Variants in ZNF292 observed in about 807,000 individuals in gnomAD.
ZNF292 encodes the protein zinc finger protein 292.
A neutral mutation model predicts 217.9 loss-of-function variants in ZNF292; 26 were observed. The ratio of observed to expected loss-of-function variants is 0.12; its 90% CI spans 0.09 to 0.17. The LOEUF (loss-of-function observed/expected upper bound fraction) is 0.17. ZNF292 is among the 10% of genes least tolerant of loss of function. The pLI is 1.00. For missense variants in ZNF292, 2,904 were observed against 3,175.2 expected (o/e 0.91, Z 2.05); for synonymous variants, 1,257 against 1,124.1 (o/e 1.12, Z -2.37).
Position 87,259,713 on chromosome 6 carries a change from G to A in ZNF292, c.6084G>A (p.Glu2028=). 1 of 1,602,384 alleles carries A rather than the reference G, an allele frequency of 6.2e-7. No homozygotes were observed. The highest frequency in any genetic ancestry group is 8.5e-7 in the Non-Finnish European group (1 of 1,174,202). ...AGCCTGCTTTAGAATTGAGAGCAGA[G>A]ACCCAAAATACCCACAGTAATGTAG... is the stretch of plus-strand genomic sequence containing the variant. ...ESQPALELRA[E]TQNTHSNVAV... The change falls in exon 8 of 8, where the codon GAG becomes GAA. Residue 2028 remains glutamate, a synonymous_variant. Coordinates refer to ENST00000369577, the MANE Select transcript of ZNF292 (RefSeq NM_015021.3).
chr6:87,166,578 C>T (rs971108106), intron 1 of ZNF292, among the ~76,000 whole-genome samples: 4 of 152,154 alleles, frequency 2.6e-5, no homozygotes, highest in African/African-American at 9.7e-5. Flanking sequence ...AGCATGATCA[C>T]GTATTTTCCA....
chr6:87,185,905 T>C (rs1289023416), intron 1 of ZNF292, among the ~76,000 whole-genome samples: 1 of 152,200 alleles, frequency 6.6e-6, no homozygotes, highest in Non-Finnish European at 1.5e-5. Context: ...TTCCACGCCC[T>C]GCCTGGGTAC....
At chr6:87,174,686 T>C (rs1408395427) in intron 1 of ZNF292, among the ~76,000 whole-genome samples, 1 of 152,210 alleles carries the variant, frequency 6.6e-6, no homozygotes, top group African/African-American at 2.4e-5. Context: ...TTTAAAGACT[T>C]ACGCTGCTTA....
rs1399305715 is a variant in ZNF292 at position 87,255,674 on chromosome 6, A to G, written c.2045A>G (p.Asn682Ser). 1 of 1,613,420 alleles carries G rather than the reference A, an allele frequency of 6.2e-7. No individual in the cohort carries two copies. Among genetic ancestry groups the G allele is most frequent in the Admixed American group, 1.7e-5 (1 of 59,882 alleles). Reference protein sequence around the residue: ...VQKPVPVNEFNCPVTFCKKGF... With the variant: ...VQKPVPVNEFSCPVTFCKKGF... ...AAACCAGTACCTGTTAATGAATTTA[A>G]TTGCCCTGTAACTTTTTGTAAAAAG... The change falls in exon 8 of 8, where the codon AAT (asparagine) becomes AGT (serine). Residue 682 changes from asparagine (N) to serine (S), a missense_variant. By Grantham distance (46) the Asn-to-Ser change is conservative. Coordinates refer to ENST00000369577, the MANE Select transcript of ZNF292 (RefSeq NM_015021.3).
At chr6:87,177,776 GT>G (rs1187573976) in intron 1 of ZNF292, among the ~76,000 whole-genome samples, 1 of 152,126 alleles carries the variant, frequency 6.6e-6, no homozygotes, top group Non-Finnish European at 1.5e-5. Context: ...TACTTCATAG[GT>G]TTGTAAGGAT....
Position 87,263,573 on chromosome 6 carries a change from T to C in ZNF292, c.*1772T>C, listed in dbSNP as rs2127881827. 1 of 152,142 alleles carries C rather than the reference T, an allele frequency of 6.6e-6. No individual in the cohort carries two copies. The highest frequency in any genetic ancestry group is 2.1e-4 in the South Asian group (1 of 4,822). 9.4% of individuals were successfully genotyped at this position (152,142 alleles called of 1,614,324 possible). ...CTTTTGGGTTTTATTGAATAGTTCA[T>C]TTCACCTGTTTAAGACTTACTACCA... On this transcript the variant is annotated 3_prime_UTR_variant, in exon 8 of 8. Coordinates refer to ENST00000369577, the MANE Select transcript of ZNF292 (RefSeq NM_015021.3).
Position 87,216,360 on chromosome 6 carries a change from T to G in ZNF292, c.385T>G (p.Phe129Val). 2 of 1,582,546 alleles carry G rather than the reference T, an allele frequency of 1.3e-6. No individual in the cohort carries two copies. The change falls in exon 3 of 8, where the codon TTT (phenylalanine) becomes GTT (valine). Residue 129 changes from phenylalanine to valine, a missense_variant. Phe to Val is a conservative substitution (Grantham distance 50, BLOSUM62 -1). Transcript: ENST00000369577. ...GTTATCAGATAAACAGTGGGAACAATTTCAGACACTGGTGCAGGTGAGAAT... is the reference window on the plus strand; with the variant it reads ...GTTATCAGATAAACAGTGGGAACAAGTTCAGACACTGGTGCAGGTGAGAAT... ...VELSDKQWEQ[F>V]QTLVQVAHEK...
At chr6:87,233,847 T>G (rs1773771026) in intron 5 of ZNF292, among the ~76,000 whole-genome samples, 1 of 152,224 alleles carries the variant, frequency 6.6e-6, no homozygotes, top group East Asian at 1.9e-4. Context: ...CAATCTTGTC[T>G]GACTTCAAGA....
chr6:87,227,397 A>G (rs963398133), intron 4 of ZNF292, among the ~76,000 whole-genome samples: 2 of 152,116 alleles, frequency 1.3e-5, no homozygotes, highest in Non-Finnish European at 2.9e-5. Context: ...TTTTTGACCA[A>G]CAATGCTGAA....
intron 1 of ZNF292, among the ~76,000 whole-genome samples, chr6:87,159,008 C>T (rs1770633688): frequency 6.6e-6 from 1 of 152,150 alleles, no homozygotes; most frequent in Admixed American, 6.5e-5. Context: ...CTTAGTTTTG[C>T]ATTTACTTTA....
chr6:87,228,911 A>C (rs1219865939), intron 4 of ZNF292, among the ~76,000 whole-genome samples: 1 of 151,968 alleles, frequency 6.6e-6, no homozygotes, highest in East Asian at 1.9e-4. Context: ...TAAAGATTCT[A>C]TATGAATTTT....
rs1206025830 is a variant in ZNF292, at chr6:87,257,966, C to T, written c.4337C>T (p.Ala1446Val). 6.2e-7 allele frequency: 1 copy of T among 1,613,946 alleles called. No homozygotes were observed. The highest frequency in any genetic ancestry group is 8.5e-7 in the Non-Finnish European group (1 of 1,179,836). The change falls in exon 8 of 8, where the codon GCA becomes GTA. Residue 1446 changes from alanine to valine, a missense_variant. Physicochemically the swap from Ala to Val is moderately conservative, Grantham distance 64. Around this residue, in one of 15 missense-constraint regions of ZNF292, gnomAD observed 622 missense variants for 573.1 expected, o/e 1.09. Coordinates refer to ENST00000369577, the MANE Select transcript of ZNF292 (RefSeq NM_015021.3). Reference sequence around the variant, plus strand: ...CAACAATCTACCTTCAATCCAGAAGCATGTTTTAAAGATCCATCATTTCTA... The same window carrying T: ...CAACAATCTACCTTCAATCCAGAAGTATGTTTTAAAGATCCATCATTTCTA... ...QPQQSTFNPE[A>V]CFKDPSFLQL...
intron 1 of ZNF292, 75 bp downstream of exon 1, chr6:87,155,834 G>A (rs1245430211): frequency 6.9e-7 from 1 of 1,446,066 alleles, no homozygotes; most frequent in Non-Finnish European, 9.1e-7. Context: ...CTAGGCGGCC[G>A]AGAGGTGGTC....
chr6:87,239,056 A>G (rs1774060631), intron 5 of ZNF292, among the ~76,000 whole-genome samples: 1 of 152,212 alleles, frequency 6.6e-6, no homozygotes, highest in Non-Finnish European at 1.5e-5. Context: ...TACGGAACAA[A>G]ATAGAGTCTC....
intron 7 of ZNF292, among the ~76,000 whole-genome samples, chr6:87,247,970 G>C (rs1221205547): frequency 3.9e-5 from 6 of 152,166 alleles, no homozygotes; most frequent in African/African-American, 9.7e-5. Context: ...TTAATGAACA[G>C]AGGTTGTATA....
At chr6:87,207,945 T>C (rs1772315321) in intron 1 of ZNF292, among the ~76,000 whole-genome samples, 1 of 152,190 alleles carries the variant, frequency 6.6e-6, no homozygotes, top group South Asian at 2.1e-4. Context: ...CTGACTCCTT[T>C]CCTGGTTTAT....
intron 4 of ZNF292, 23 bp from the exon 5 acceptor site, chr6:87,233,302 C>A: frequency 6.6e-7 from 1 of 1,513,624 alleles, no homozygotes; most frequent in Non-Finnish European, 9.1e-7. Context: ...TGTTAATAAT[C>A]TATTATGTCT....
Position 87,258,768 on chromosome 6 carries a change from T to C in ZNF292, c.5139T>C (p.His1713=). 1 of 1,613,570 alleles carries C rather than the reference T, an allele frequency of 6.2e-7. No homozygotes were observed. Among genetic ancestry groups the C allele is most frequent in the Non-Finnish European group, 8.5e-7 (1 of 1,179,720 alleles). ...ATTTCAAAACCAGTCTTGAGTCCCA[T>C]ACAGTGTTAGCCCCTTTAACATTAA... ...KENFKTSLES[H]TVLAPLTLKT... The change falls in exon 8 of 8, where the codon CAT becomes CAC. Residue 1713 remains histidine, a synonymous_variant. Transcript: ENST00000369577.
rs977308686 is a variant in ZNF292 at position 87,262,120 on chromosome 6, T to C, written c.*319T>C. ...GTATGTTTCACCAGGTCACTGCTCA[T>C]GTATAACAGTACTCTTTATTTGTAG... On this transcript the variant is annotated 3_prime_UTR_variant, in exon 8 of 8. Transcript: ENST00000369577. 3 of 180,898 alleles carry C rather than the reference T, an allele frequency of 1.7e-5. No individual in the cohort carries two copies. In the Admixed American group the frequency reaches 1.7e-4, roughly 10 times the overall value. The allele number at this position is 180,898 out of a possible 1,614,324, so 11.2% of individuals were successfully genotyped here.
Sources: gnomAD v4.1 joint callset for allele counts (sites outside exome capture counted in the v4.1 genomes callset) on GRCh38, gnomAD v4.1.1 for gene constraint, gnomAD v4.1.1 regional missense constraint, MANE v1.5 for transcripts, NCBI Gene and HGNC (gene_info 2026-07-23, HGNC 2026-07-21) for gene names.